KCNH7: variants seen among roughly 807,000 people sequenced by gnomAD.
KCNH7 encodes the protein voltage-gated inwardly rectifying potassium channel KCNH7.
Under a neutral mutation model 120.8 loss-of-function variants are expected in KCNH7, and 49 were observed. That is an observed-to-expected ratio of 0.41 (90% CI 0.32 to 0.51). The LOEUF (loss-of-function observed/expected upper bound fraction) is 0.51. Ranked by LOEUF, KCNH7 falls within the 20% of genes least tolerant of loss-of-function variation. The pLI is 0.38. For missense variants in KCNH7, 1,097 were observed against 1,446.6 expected, an observed-to-expected ratio of 0.76 and a Z score of 3.92; for synonymous variants, 547 against 516.1, an observed-to-expected ratio of 1.06 and a Z score of -0.81.
intron 2 of KCNH7, among the ~76,000 whole-genome samples, chr2:162,835,169 C>G (rs1685614494): frequency 6.6e-6 from 1 of 151,970 alleles, no homozygotes; most frequent in Non-Finnish European, 1.5e-5. Flanking sequence ...ATGGGAAGAA[C>G]TTTAAAAACA....
chr2:162,378,395 AT>A (rs1310819437), intron 14 of KCNH7, among the ~76,000 whole-genome samples: 1 of 152,208 alleles, frequency 6.6e-6, no homozygotes, highest in Non-Finnish European at 1.5e-5. Flanking sequence ...TGCTTCTGTC[AT>A]TCAGTCATTC....
intron 5 of KCNH7, among the ~76,000 whole-genome samples, chr2:162,505,197 G>A (rs1461936699): frequency 1.3e-5 from 2 of 151,930 alleles, no homozygotes; most frequent in African/African-American, 4.8e-5. Flanking sequence ...TTCTGAAAGA[G>A]TTAAACCCAG....
At chr2:162,457,766 T>A (rs1573981759) in intron 6 of KCNH7, among the ~76,000 whole-genome samples, 1 of 152,268 alleles carries the variant, frequency 6.6e-6, no homozygotes, top group East Asian at 1.9e-4. Context: ...ACTAATAGGC[T>A]AGCTGTATTT....
chr2:162,448,274 C>T (rs944367461), intron 6 of KCNH7, among the ~76,000 whole-genome samples: 2 of 151,992 alleles, frequency 1.3e-5, no homozygotes, highest in African/African-American at 4.8e-5. Flanking sequence ...ACATTTTGGT[C>T]TGTACAAAAG....
chr2:162,415,330 T>C (rs1275991224), intron 9 of KCNH7, among the ~76,000 whole-genome samples: 1 of 152,098 alleles, frequency 6.6e-6, no homozygotes, highest in African/African-American at 2.4e-5. Context: ...ATCTATGAAA[T>C]GCACCAGCAC....
chr2:162,504,865 T>A lies in KCNH7; in HGVS notation c.914-208A>T, dbSNP rs185512065. ...AGTATCTGAGAATAAGACTGGGTTC[T>A]AAGTGTGTACCCAGAGAGCAAATGG... On this transcript the variant is annotated intron_variant, in intron 5 of 15. Transcript: ENST00000332142. Among the ~76,000 whole-genome samples the A allele has an allele frequency of 2.0e-5, 3 of 152,100 alleles. No homozygotes were observed. The East Asian group carries it at 5.8e-4, about 30-fold the overall frequency.
At chr2:162,800,223 A>C (rs1347902972) in intron 2 of KCNH7, among the ~76,000 whole-genome samples, 1 of 151,700 alleles carries the variant, frequency 6.6e-6, no homozygotes, top group Non-Finnish European at 1.5e-5. Flanking sequence ...AATGAATGTA[A>C]GTGAGAATTG....
At chr2:162,802,426 G>C (rs894884588) in intron 2 of KCNH7, among the ~76,000 whole-genome samples, 1 of 151,584 alleles carries the variant, frequency 6.6e-6, no homozygotes, top group Non-Finnish European at 1.5e-5. Context: ...TCTGCCAAAA[G>C]CTACCTTCTC....
chr2:162,382,005 A>G (rs1017072722), intron 13 of KCNH7, among the ~76,000 whole-genome samples: 3 of 152,106 alleles, frequency 2.0e-5, no homozygotes, highest in African/African-American at 7.2e-5. Flanking sequence ...TAGCCAGTTA[A>G]TGTAGAAATC....
chr2:162,387,862 A>T (rs973134601), intron 12 of KCNH7, among the ~76,000 whole-genome samples: 7 of 151,758 alleles, frequency 4.6e-5, no homozygotes, highest in African/African-American at 1.7e-4. Flanking sequence ...TGGAATTAAC[A>T]TTTGTGCTCA....
intron 2 of KCNH7, among the ~76,000 whole-genome samples, chr2:162,587,053 CTTAG>C (rs978983568): frequency 6.6e-6 from 1 of 152,020 alleles, no homozygotes; most frequent in Non-Finnish European, 1.5e-5. Context: ...GTAAGCAAAA[CTTAG>C]TTAGTATTAA....
At chr2:162,585,503 A>T (rs1024694071) in intron 2 of KCNH7, among the ~76,000 whole-genome samples, 4 of 152,108 alleles carry the variant, frequency 2.6e-5, no homozygotes, top group African/African-American at 9.6e-5. Context: ...CCAAACTGGG[A>T]TACATCTAAT....
At chr2:162,717,285 T>C (rs375370746) in intron 2 of KCNH7, among the ~76,000 whole-genome samples, 1 of 152,174 alleles carries the variant, frequency 6.6e-6, no homozygotes, top group South Asian at 2.1e-4. Flanking sequence ...GAGACATTAC[T>C]ACTGCTTTCC....
intron 2 of KCNH7, among the ~76,000 whole-genome samples, chr2:162,636,015 T>C (rs1281006855): frequency 6.6e-6 from 1 of 152,108 alleles, no homozygotes; most frequent in Non-Finnish European, 1.5e-5. Context: ...GAAGAGCCCA[T>C]GTCCATTTCA....
intron 2 of KCNH7, among the ~76,000 whole-genome samples, chr2:162,818,765 C>T (rs1016165114): frequency 2.0e-5 from 3 of 152,112 alleles, no homozygotes; most frequent in South Asian, 2.1e-4. Context: ...TTTTGTCCAA[C>T]TTATTCTATT....
chr2:162,642,269 T>C (rs1262400414), intron 2 of KCNH7, among the ~76,000 whole-genome samples: 1 of 152,208 alleles, frequency 6.6e-6, no homozygotes, highest in Non-Finnish European at 1.5e-5. Flanking sequence ...GATTATCCCA[T>C]TTGTTAGGCA....
chr2:162,576,641 T>A (rs1376392498), intron 2 of KCNH7, among the ~76,000 whole-genome samples: 2 of 112,368 alleles, frequency 1.8e-5, no homozygotes, highest in Non-Finnish European at 3.7e-5. Context: ...ATTTCTAGTG[T>A]TTTGGGTTTT....
chr2:162,785,243 A>G (rs1176375226), intron 2 of KCNH7: 8 of 152,266 alleles, frequency 5.3e-5, no homozygotes, highest in Admixed American at 3.3e-4. Flanking sequence ...GAAAGAAAAT[A>G]TTAGCTTGTC....
At chr2:162,670,781 C>G (rs934561053) in intron 2 of KCNH7, among the ~76,000 whole-genome samples, 5 of 149,594 alleles carry the variant, frequency 3.3e-5, no homozygotes, top group African/African-American at 1.2e-4. Context: ...AAAAAATTTC[C>G]AAAAAGGTGG....
Sources: gnomAD v4.1 joint callset for allele counts (sites outside exome capture counted in the v4.1 genomes callset) on GRCh38, gnomAD v4.1.1 for gene constraint, MANE v1.5 for transcripts, NCBI Gene and HGNC (gene_info 2026-07-23, HGNC 2026-07-21) for gene names.